The following ADD2 variants were observed in gnomAD, a reference collection of about 807,000 sequenced individuals.
ADD2 encodes the protein adducin 2.
A neutral mutation model predicts 83.0 loss-of-function variants in ADD2; 23 were observed. That is an observed-to-expected ratio of 0.28 (90% CI 0.20 to 0.39). The LOEUF is 0.39. Among genes scored for constraint, ADD2 ranks in the 10% least tolerant of loss-of-function variants. The pLI is 1.00. For synonymous variants in ADD2, 375 were observed against 375.4 expected (o/e 1.00, Z 0.01); for missense variants, 758 against 944.9 (o/e 0.80, Z 2.59).
intron 1 of ADD2, among the ~76,000 whole-genome samples, chr2:70,758,808 A>G (rs1051812471): frequency 6.6e-6 from 1 of 152,138 alleles, no homozygotes; most frequent in Non-Finnish European, 1.5e-5. Flanking sequence ...TCAGAAAAAC[A>G]ATAATAATAA....
intron 1 of ADD2, among the ~76,000 whole-genome samples, chr2:70,742,730 C>T (rs1449582069): frequency 6.6e-6 from 1 of 152,192 alleles, no homozygotes; most frequent in Non-Finnish European, 1.5e-5. Context: ...ATACAATCCA[C>T]TCAAGTCCTT....
intron 8 of ADD2, among the ~76,000 whole-genome samples, chr2:70,690,101 A>AT (rs1553371267): frequency 6.3e-5 from 9 of 141,902 alleles, no homozygotes; most frequent in East Asian, 2.2e-4. Flanking sequence ...AGAAAAAAAA[A>AT]ATTTTTTTTT....
At chr2:70,753,405 G>A (rs1382265508) in intron 1 of ADD2, among the ~76,000 whole-genome samples, 2 of 152,122 alleles carry the variant, frequency 1.3e-5, no homozygotes, top group East Asian at 3.9e-4. Flanking sequence ...AGAACATAAA[G>A]GGAGAAATGG....
At chr2:70,704,263 T>TGGGGCCCCCCC in intron 4 of ADD2, 58 bp downstream of exon 4, 2 of 913,238 alleles carry the variant, frequency 2.2e-6, no homozygotes. Context: ...CTCCCTCTCT[T>TGGGGCCCCCCC]CCCCACCCCA....
chr2:70,720,697 T>C lies in ADD2; in HGVS notation c.-153-7513A>G, dbSNP rs1282606796. ...ACCTTCTGTATATTTCTGTGTATGT[T>C]TGCATATCCATGTGTCAGAGACAAT... is the stretch of plus-strand genomic sequence containing the variant. On this transcript the variant is annotated intron_variant, in intron 1 of 15. Coordinates refer to ENST00000264436, the MANE Select transcript of ADD2 (RefSeq NM_001617.4). Among the ~76,000 whole-genome samples, 7 of 152,346 alleles carry C rather than the reference T, an allele frequency of 4.6e-5. No individual in the cohort carries two copies. The East Asian group carries it at 1.3e-3, about 29-fold the overall frequency.
chr2:70,693,108 C>T (rs1558537425), intron 6 of ADD2, among the ~76,000 whole-genome samples: 1 of 152,134 alleles, frequency 6.6e-6, no homozygotes, highest in Non-Finnish European at 1.5e-5. Context: ...ACTCCGTGCC[C>T]CTACTCCCCT....
intron 4 of ADD2, 47 bp downstream of exon 4, chr2:70,704,274 C>CCCCCCCCCCCA: frequency 7.2e-7 from 1 of 1,391,804 alleles, no homozygotes; most frequent in Non-Finnish European, 9.8e-7. Flanking sequence ...CCCCACCCCA[C>CCCCCCCCCCCA]CCTCCCCTCC....
rs781988703 is a variant in ADD2 at position 70,706,258 on chromosome 2, T to C, written c.151A>G (p.Lys51Glu). ...LRQDFNLMEQ[K>E]KRVTMILQSP... ...TGCAGGATCATGGTGACGCGCTTCTTCTGCTCCATCAGGTTGAAGTCCTGC... is the reference window on the plus strand; with the variant it reads ...TGCAGGATCATGGTGACGCGCTTCTCCTGCTCCATCAGGTTGAAGTCCTGC... Residue 51 changes from lysine (K) to glutamate (E), a missense_variant, in exon 3 of 16, where the codon AAG (lysine) becomes GAG (glutamate). Lys to Glu is a moderately conservative substitution (Grantham distance 56). This residue lies in a region of ADD2 where 175 missense variants were observed against 192.1 expected (regional missense o/e 0.91). Transcript: ENST00000264436. The surrounding 1 kb of genome is among the most constrained non-coding windows in gnomAD (Gnocchi z 5.0). 1.2e-6 allele frequency: 2 copies of C among 1,614,060 alleles called. No individual in the cohort carries two copies. The highest frequency in any genetic ancestry group is 3.3e-4 in the Middle Eastern group (2 of 6,058).
rs782678524 is a variant in ADD2, at chr2:70,661,123, T to C, written c.*2302A>G. On this transcript the variant is annotated 3_prime_UTR_variant, in exon 16 of 16. Coordinates refer to ENST00000264436, the MANE Select transcript of ADD2 (RefSeq NM_001617.4). The stretch of plus-strand genomic sequence containing the variant: ...CCAATGAGGCCTAAGTGAGGCCTCA[T>C]TGTCAAGGGAATAGAGTGTGTTGAA... The C allele has an allele frequency of 6.6e-6, 1 of 152,146 alleles. No individual in the cohort carries two copies. The highest frequency in any genetic ancestry group is 1.5e-5 in the Non-Finnish European group (1 of 68,032). The allele number at this position is 152,146 out of a possible 1,614,324, so 9.4% of individuals were successfully genotyped here.
At chr2:70,753,537 C>T (rs185238846) in intron 1 of ADD2, among the ~76,000 whole-genome samples, 1 of 151,836 alleles carries the variant, frequency 6.6e-6, no homozygotes, top group Admixed American at 6.6e-5. Context: ...AAGATGGCCT[C>T]TGATAGAAGC....
At chr2:70,700,879 C>G (rs1558542817) in intron 4 of ADD2, among the ~76,000 whole-genome samples, 1 of 151,922 alleles carries the variant, frequency 6.6e-6, no homozygotes, top group African/African-American at 2.4e-5. Flanking sequence ...CAAGAAGCAG[C>G]AAAATAAATT....
rs1368022162 is a variant in ADD2 at position 70,704,336 on chromosome 2, G to A, written c.307C>T (p.Pro103Ser). ...CACCACATACTCATGGAAGATGTCG[G>A]GAAGACTGCGTGGGAGGTGCTGGCC... ...FMASTSHAVF[P>S]TSSMNVSMMT... Residue 103 changes from proline (P) to serine (S), a missense_variant, in exon 4 of 16, where the codon CCG becomes TCG. Pro to Ser is a moderately conservative substitution (Grantham distance 74). Transcript: ENST00000264436. 5 of 1,612,704 alleles carry A rather than the reference G, an allele frequency of 3.1e-6. No individual in the cohort carries two copies. Among genetic ancestry groups the A allele is most frequent in the Non-Finnish European group, 4.2e-6 (5 of 1,179,616 alleles).
intron 15 of ADD2, among the ~76,000 whole-genome samples, chr2:70,672,337 A>AACCC (rs1429427979): frequency 6.6e-6 from 1 of 152,178 alleles, no homozygotes; most frequent in Admixed American, 6.5e-5. Flanking sequence ...TGTACTCCTA[A>AACCC]ACCCACCTGA....
chr2:70,721,864 T>A (rs1225051143), intron 1 of ADD2, among the ~76,000 whole-genome samples: 1 of 152,226 alleles, frequency 6.6e-6, no homozygotes, highest in Non-Finnish European at 1.5e-5. Flanking sequence ...AACTCATTTC[T>A]GGATGGTGGA....
At chr2:70,704,502 C>T (rs782132245) in intron 3 of ADD2, 43 bp from the exon 4 acceptor site, 1 of 1,608,226 alleles carries the variant, frequency 6.2e-7, no homozygotes, top group Non-Finnish European at 8.5e-7. Flanking sequence ...CAGCCTCTCA[C>T]ACAGCTGCCC....
intron 1 of ADD2, among the ~76,000 whole-genome samples, chr2:70,754,341 C>A: frequency 6.6e-6 from 1 of 152,220 alleles, no homozygotes; most frequent in East Asian, 1.9e-4. Flanking sequence ...GATCCACAAA[C>A]GAAGAAGCTA....
At chr2:70,748,105 A>C (rs1462963339) in intron 1 of ADD2, among the ~76,000 whole-genome samples, 2 of 152,138 alleles carry the variant, frequency 1.3e-5, no homozygotes, top group African/African-American at 4.8e-5. Context: ...TTGTGGTCAC[A>C]GCAGGGCATG....
At chr2:70,679,967 C>T (rs1553369256) in intron 10 of ADD2, among the ~76,000 whole-genome samples, 1 of 152,136 alleles carries the variant, frequency 6.6e-6, no homozygotes, top group Admixed American at 6.5e-5. Flanking sequence ...AATTTTTTCA[C>T]TATCATAGAT....
chr2:70,757,094 C>G (rs1674834142), intron 1 of ADD2, among the ~76,000 whole-genome samples: 1 of 152,184 alleles, frequency 6.6e-6, no homozygotes, highest in South Asian at 2.1e-4. Flanking sequence ...TCCCAAAGTG[C>G]TGGGATTACA....
Sources: gnomAD v4.1 joint callset for allele counts (sites outside exome capture counted in the v4.1 genomes callset) on GRCh38, gnomAD v4.1.1 for gene constraint, gnomAD v4.1.1 regional missense constraint, Gnocchi (gnomAD v3.1) non-coding constraint, MANE v1.5 for transcripts, NCBI Gene and HGNC (gene_info 2026-07-23, HGNC 2026-07-21) for gene names.